The following VAV3 variants were observed in gnomAD, a reference collection of about 807,000 sequenced individuals.
The protein encoded by VAV3 is guanine nucleotide exchange factor VAV3.
A neutral mutation model predicts 131.2 loss-of-function variants in VAV3; 94 were observed. That is an observed-to-expected ratio of 0.72 (90% CI 0.61 to 0.85). VAV3 has a LOEUF of 0.85. Among genes scored for constraint, VAV3 ranks in the 40% least tolerant of loss-of-function variants. VAV3 has a pLI of 0.00. For synonymous variants in VAV3, 349 were observed against 342.0 expected (o/e 1.02, Z -0.22); for missense variants, 939 against 1,002.7 (o/e 0.94, Z 0.86).
chr1:107,887,571 G>C (rs942327792), intron 1 of VAV3, among the ~76,000 whole-genome samples: 2 of 152,040 alleles, frequency 1.3e-5, no homozygotes, highest in Non-Finnish European at 2.9e-5. Context: ...ACCCATATTT[G>C]AATATCCAAA....
chr1:107,584,027 C>G (rs933351942), intron 25 of VAV3, among the ~76,000 whole-genome samples: 41 of 152,186 alleles, frequency 2.7e-4, no homozygotes, highest in African/African-American at 9.9e-4. Flanking sequence ...CTACAGTAAC[C>G]AAAACAGCAT....
intron 20 of VAV3, among the ~76,000 whole-genome samples, chr1:107,640,265 C>A: frequency 6.6e-6 from 1 of 152,234 alleles, no homozygotes. Context: ...TATCTCCACA[C>A]ATGGAACGAT....
chr1:107,788,263 C>A (rs1666121937), intron 2 of VAV3, among the ~76,000 whole-genome samples: 1 of 151,970 alleles, frequency 6.6e-6, no homozygotes, highest in Non-Finnish European at 1.5e-5. Context: ...ACCATGCCAG[C>A]CCCAAAATTC....
At chr1:107,636,150 T>C (rs1458530082) in intron 20 of VAV3, among the ~76,000 whole-genome samples, 2 of 152,218 alleles carry the variant, frequency 1.3e-5, no homozygotes, top group Non-Finnish European at 1.5e-5. Flanking sequence ...TGAAAGACTT[T>C]AACAAGAAAT....
chr1:107,602,484 C>T lies in VAV3; in HGVS notation c.2133G>A (p.Lys711=). ...TGATGTGCTTTGCTTCATTATTGTA[C>T]CTGTGGGCAATGAATAACTTATGAA... ...KESGEYAISI[K]YNNEAKHIKI... Residue 711 remains lysine (K), a splice_region_variant and synonymous_variant, in exon 24 of 27, where the codon AAG becomes AAA. Coordinates refer to ENST00000370056, the MANE Select transcript of VAV3 (RefSeq NM_006113.5). The T allele has an allele frequency of 6.4e-7, 1 of 1,563,690 alleles. No individual in the cohort carries two copies. The highest frequency in any genetic ancestry group is 8.6e-7 in the Non-Finnish European group (1 of 1,164,134).
At chr1:107,577,984 C>T (rs557669661) in intron 25 of VAV3, among the ~76,000 whole-genome samples, 75 of 152,256 alleles carry the variant, frequency 4.9e-4, no homozygotes, top group African/African-American at 1.8e-3. Context: ...TATATTCTGC[C>T]TCTGTTCAGG....
intron 2 of VAV3, among the ~76,000 whole-genome samples, chr1:107,809,659 T>C (rs544865128): frequency 6.6e-6 from 1 of 152,218 alleles, no homozygotes; most frequent in Admixed American, 6.5e-5. Context: ...CAAACAACAT[T>C]CCAAAACAAT....
intron 2 of VAV3, among the ~76,000 whole-genome samples, chr1:107,840,901 A>C (rs1017836178): frequency 6.6e-6 from 1 of 151,510 alleles, no homozygotes; most frequent in African/African-American, 2.4e-5. Flanking sequence ...GCAAGGGATC[A>C]ACATGTTCAG....
chr1:107,710,051 T>C (rs943382945), intron 15 of VAV3, among the ~76,000 whole-genome samples: 1 of 152,202 alleles, frequency 6.6e-6, no homozygotes, highest in Non-Finnish European at 1.5e-5. Flanking sequence ...AAAACATACA[T>C]GCTTAAAATG....
intron 1 of VAV3, among the ~76,000 whole-genome samples, chr1:107,890,526 TAC>T (rs1402072099): frequency 5.3e-5 from 8 of 152,170 alleles, no homozygotes; most frequent in Non-Finnish European, 1.2e-4. Context: ...ATTCTCACCA[TAC>T]ACACTATTTC....
intron 15 of VAV3, among the ~76,000 whole-genome samples, chr1:107,722,679 CT>C (rs1332908405): frequency 6.6e-6 from 1 of 152,108 alleles, no homozygotes; most frequent in African/African-American, 2.4e-5. Context: ...GCCTGCAGAG[CT>C]TTCCAAGCCA....
chr1:107,715,175 G>T (rs1314439883), intron 15 of VAV3, among the ~76,000 whole-genome samples: 2 of 152,080 alleles, frequency 1.3e-5, no homozygotes, highest in Non-Finnish European at 2.9e-5. Flanking sequence ...CAACATCCAG[G>T]AGTGGGAGAA....
chr1:107,802,715 T>C (rs1005701118), intron 2 of VAV3, among the ~76,000 whole-genome samples: 1 of 152,148 alleles, frequency 6.6e-6, no homozygotes, highest in Non-Finnish European at 1.5e-5. Context: ...ATGGTCTTTT[T>C]AATGTGTTGC....
intron 25 of VAV3, among the ~76,000 whole-genome samples, chr1:107,579,849 T>TAC (rs1649911351): frequency 6.6e-6 from 1 of 152,190 alleles, no homozygotes; most frequent in African/African-American, 2.4e-5. Context: ...AGCTTCCTAC[T>TAC]ACCTCCTGAG....
chr1:107,800,571 A>G lies in VAV3; in HGVS notation c.322-21079T>C, dbSNP rs545826788. On this transcript the variant is annotated intron_variant, in intron 2 of 26. Transcript: ENST00000370056. ...TTTTAGATTCAGGAGGTATATGTGCAGATTTGTTACATGGGAATATTGCAT... is the reference window on the plus strand; with the variant it reads ...TTTTAGATTCAGGAGGTATATGTGCGGATTTGTTACATGGGAATATTGCAT... 1.8e-4 allele frequency among the ~76,000 whole-genome samples: 28 copies of G among 152,302 alleles called. 1 individual carries two copies. The East Asian group carries it at 3.3e-3, about 18-fold the overall frequency.
At chr1:107,632,037 C>A (rs1654538344) in intron 20 of VAV3, among the ~76,000 whole-genome samples, 1 of 152,022 alleles carries the variant, frequency 6.6e-6, no homozygotes, top group African/African-American at 2.4e-5. Context: ...GTTCTAGATC[C>A]CTGAGGAATC....
chr1:107,854,814 G>A (rs1012044541), intron 2 of VAV3, among the ~76,000 whole-genome samples: 1 of 152,200 alleles, frequency 6.6e-6, no homozygotes, highest in African/African-American at 2.4e-5. Context: ...GAAAAATGAT[G>A]TGAAAGCATA....
At chr1:107,692,708 T>C (rs1659500810) in intron 17 of VAV3, among the ~76,000 whole-genome samples, 2 of 152,128 alleles carry the variant, frequency 1.3e-5, no homozygotes, top group Non-Finnish European at 2.9e-5. Context: ...GCAACGTCCT[T>C]CCAATTAGGA....
chr1:107,657,011 T>C (rs1570697188), intron 19 of VAV3, among the ~76,000 whole-genome samples: 1 of 132,768 alleles, frequency 7.5e-6, no homozygotes, highest in Non-Finnish European at 1.5e-5. Flanking sequence ...TGGAGTGCAG[T>C]GGCACAATCT....
Sources: allele counts gnomAD v4.1 joint callset (sites outside exome capture counted in the v4.1 genomes callset), GRCh38; gene constraint gnomAD v4.1.1; transcripts MANE v1.5; gene names NCBI Gene and HGNC (gene_info 2026-07-23, HGNC 2026-07-21).